The following HDAC4 variants were observed in gnomAD, a reference collection of about 807,000 sequenced individuals.
The protein encoded by HDAC4 is histone deacetylase 4, also known as histone deacetylase A.
In HDAC4, 16 loss-of-function variants were observed where a neutral mutation model predicts 135.1. That is an observed-to-expected ratio of 0.12 (90% confidence interval 0.08 to 0.18). The LOEUF (loss-of-function observed/expected upper bound fraction) is 0.18. HDAC4 is among the 10% of genes least tolerant of loss of function. HDAC4 has a pLI of 1.00. For synonymous variants in HDAC4, 685 were observed against 653.4 expected, an observed-to-expected ratio of 1.05 and a Z score of -0.74; for missense variants, 1,143 against 1,511.8, an observed-to-expected ratio of 0.76 and a Z score of 4.05.
chr2:239,077,705 G>A (rs542572006), intron 22 of HDAC4, among the ~76,000 whole-genome samples: 1 of 152,312 alleles, frequency 6.6e-6, no homozygotes, highest in South Asian at 2.1e-4. Flanking sequence ...GAAACCCAGG[G>A]ACCAGCGTGG....
chr2:239,103,679 C>T (rs1265504676), intron 15 of HDAC4, among the ~76,000 whole-genome samples: 2 of 152,196 alleles, frequency 1.3e-5, no homozygotes, highest in South Asian at 2.1e-4. Context: ...CTCTCCCTCC[C>T]GACTGCAGCC....
chr2:239,384,433 G>T (rs1695642161), intron 1 of HDAC4, among the ~76,000 whole-genome samples: 1 of 137,954 alleles, frequency 7.2e-6, no homozygotes, highest in East Asian at 2.2e-4. Context: ...GGACAACATA[G>T]TGAGACCCCT....
At chr2:239,128,231 G>T (rs1325642409) in intron 11 of HDAC4, among the ~76,000 whole-genome samples, 1 of 152,138 alleles carries the variant, frequency 6.6e-6, no homozygotes. Context: ...CGTAAAAAAA[G>T]AAAAAGGTAA....
At position 239,193,379 on chromosome 2, in the gene HDAC4, G is replaced by A. The variant is rs145646014; in HGVS notation, c.95-3302C>T. Among the ~76,000 whole-genome samples, 574 of 152,358 alleles carry A rather than the reference G, an allele frequency of 3.8e-3. 4 individuals are homozygous for A. Among genetic ancestry groups the A allele is most frequent in the Non-Finnish European group, 6.8e-3 (460 of 68,028 alleles). The stretch of plus-strand genomic sequence containing the variant: ...TTAACTTCAAAAACATGACATGCCC[G>A]CATTTCCACTCCTCATTCAGTTCCC... On this transcript the variant is annotated intron_variant, in intron 3 of 26. Transcript: ENST00000543185.
rs548363968 is a variant in HDAC4, at chr2:239,157,094, C to T, written c.612-321G>A. On this transcript the variant is annotated intron_variant, in intron 6 of 26. Transcript: ENST00000543185. ...TCAGATGGCTCCAGCCCAGTCAGTT[C>T]GCTACCAGGGCCACCACTGGCCACT... 8.5e-5 allele frequency among the ~76,000 whole-genome samples: 13 copies of T among 152,322 alleles called. No individual in the cohort carries two copies. In the South Asian group the frequency reaches 1.7e-3, roughly 19 times the overall value.
intron 1 of HDAC4, among the ~76,000 whole-genome samples, chr2:239,377,258 G>A (rs1391306247): frequency 6.6e-6 from 1 of 152,218 alleles, no homozygotes; most frequent in Non-Finnish European, 1.5e-5. Flanking sequence ...AGGTTACGAG[G>A]CCGTCCACTA....
At chr2:239,295,776 A>G (rs2051851186) in intron 2 of HDAC4, among the ~76,000 whole-genome samples, 1 of 152,282 alleles carries the variant, frequency 6.6e-6, no homozygotes, top group African/African-American at 2.4e-5. Flanking sequence ...ACTACCAATG[A>G]CTTTTGCACA....
intron 2 of HDAC4, among the ~76,000 whole-genome samples, chr2:239,340,078 A>G (rs1692204962): frequency 1.3e-5 from 2 of 152,172 alleles, no homozygotes; most frequent in Admixed American, 1.3e-4. Context: ...CTAGTTTCTA[A>G]CACATTCAGG....
At chr2:239,062,216 G>A (rs1470665967) in intron 24 of HDAC4, among the ~76,000 whole-genome samples, 3 of 152,270 alleles carry the variant, frequency 2.0e-5, no homozygotes, top group Admixed American at 1.3e-4. Flanking sequence ...AGACCTACGC[G>A]CTGAAGACAG....
chr2:239,386,703 G>A (rs867140907), intron 1 of HDAC4, among the ~76,000 whole-genome samples: 3 of 152,206 alleles, frequency 2.0e-5, no homozygotes, highest in African/African-American at 7.2e-5. Context: ...ACGTAGTCAC[G>A]ACCTAGAGGA....
At chr2:239,197,419 G>A (rs2045466478) in intron 3 of HDAC4, among the ~76,000 whole-genome samples, 1 of 152,178 alleles carries the variant, frequency 6.6e-6, no homozygotes, top group Admixed American at 6.5e-5. Context: ...GTTTGGTGAA[G>A]ACCTTTCACA....
At chr2:239,178,049 C>T (rs2043883293) in intron 4 of HDAC4, among the ~76,000 whole-genome samples, 1 of 152,228 alleles carries the variant, frequency 6.6e-6, no homozygotes, top group Non-Finnish European at 1.5e-5. Flanking sequence ...GCTCCGCTCT[C>T]GTTCGCATGC....
In HDAC4 at chr2:239,259,032, G is replaced by A. The variant is rs1429266094; in HGVS notation, c.23-22368C>T. 2.0e-5 allele frequency among the ~76,000 whole-genome samples: 3 copies of A among 152,196 alleles called. 1 individual carries two copies. In the South Asian group the frequency reaches 6.2e-4, roughly 32 times the overall value. On this transcript the variant is annotated intron_variant, in intron 2 of 26. Transcript: ENST00000543185. Reference sequence around the variant, plus strand: ...GGAAGGCTGGCATAGCAATATTAACGTCAGACAAAGTAGACTTTAACACAG... The same window carrying A: ...GGAAGGCTGGCATAGCAATATTAACATCAGACAAAGTAGACTTTAACACAG...
At chr2:239,136,868 G>T (rs1435883015) in intron 9 of HDAC4, among the ~76,000 whole-genome samples, 1 of 152,156 alleles carries the variant, frequency 6.6e-6, no homozygotes, top group African/African-American at 2.4e-5. Context: ...AACTCACGGC[G>T]CACCTCGCCC....
chr2:239,283,224 GGCTGGCGAGTCAA>G (rs1349540823), intron 2 of HDAC4, among the ~76,000 whole-genome samples: 1 of 152,212 alleles, frequency 6.6e-6, no homozygotes, highest in Admixed American at 6.5e-5. Flanking sequence ...TGAGGGCAGG[GGCTGGCGAGTCAA>G]GCTGGCTGGA....
intron 2 of HDAC4, among the ~76,000 whole-genome samples, chr2:239,327,970 G>GT (rs1453583014): frequency 6.6e-6 from 1 of 152,192 alleles, no homozygotes; most frequent in Non-Finnish European, 1.5e-5. Context: ...CTGAATGTCT[G>GT]TACAGGCCCA....
chr2:239,279,166 C>T (rs116167699), intron 2 of HDAC4, among the ~76,000 whole-genome samples: 204 of 152,308 alleles, frequency 1.3e-3, no homozygotes, highest in Admixed American at 2.7e-3. Flanking sequence ...TTCATAATGG[C>T]TTTTGCTTGC....
chr2:239,146,775 CCCCCACAGCCCCACTGCCCCCATCACAG>C lies in HDAC4; in HGVS notation c.734-2089_734-2062del, dbSNP rs1240129358. Among the ~76,000 whole-genome samples, 4 of 149,528 alleles carry C rather than the reference CCCCCACAGCCCCACTGCCCCCATCACAG, an allele frequency of 2.7e-5. No homozygotes were observed. Among genetic ancestry groups the C allele is most frequent in the Non-Finnish European group, 5.9e-5 (4 of 67,904 alleles). ...ACGCCCCTCCCAAGGCTGCCCTGAC[CCCCCACAGCCCCACTGCCCCCATCACAG>C]CCCCACTGCCCTGTCTTCCTCACAG... On this transcript the variant is annotated intron_variant, in intron 7 of 26. Coordinates refer to ENST00000543185, the MANE Select transcript of HDAC4 (RefSeq NM_001378414.1). This position sits in a 1 kb window ranked among gnomAD's most constrained non-coding sequence, Gnocchi z 4.5.
intron 3 of HDAC4, among the ~76,000 whole-genome samples, chr2:239,214,443 C>T (rs958330491): frequency 1.3e-5 from 2 of 152,174 alleles, no homozygotes; most frequent in African/African-American, 2.4e-5. Flanking sequence ...CTCCTTTGGC[C>T]GGGTAAGGTT....
Sources: allele counts gnomAD v4.1 joint callset (sites outside exome capture counted in the v4.1 genomes callset), GRCh38; gene constraint gnomAD v4.1.1; non-coding constraint Gnocchi (gnomAD v3.1); transcripts MANE v1.5; gene names NCBI Gene and HGNC (gene_info 2026-07-23, HGNC 2026-07-21).